TMEM40: variants seen among roughly 807,000 people sequenced by gnomAD.
TMEM40 encodes the protein transmembrane protein 40.
A neutral mutation model predicts 40.8 loss-of-function variants in TMEM40; 34 were observed. The observed-to-expected ratio is 0.83, with a 90% CI of 0.63 to 1.11. The LOEUF (loss-of-function observed/expected upper bound fraction) is 1.11. Ranked by LOEUF, TMEM40 falls within the 50% of genes least tolerant of loss-of-function variation. The pLI, the probability that TMEM40 is intolerant of heterozygous loss-of-function variation, is 0.00. For synonymous variants in TMEM40, 106 were observed against 107.0 expected, an observed-to-expected ratio of 0.99 and a Z score of 0.06; for missense variants, 296 against 280.2, an observed-to-expected ratio of 1.06 and a Z score of -0.40.
chr3:12,755,231 CTCTCTTTCTTTCTTTCTT>C (rs1211281698), intron 1 of TMEM40, among the ~76,000 whole-genome samples: 20 of 98,106 alleles, frequency 2.0e-4, no homozygotes, highest in Admixed American at 9.7e-4. Flanking sequence ...CTCTCTCTCT[CTCTCTTTCTTTCTTTCTT>C]TCTTTCTTTC....
At chr3:12,762,297 C>T (rs2106624156), upstream of TMEM40, among the ~76,000 whole-genome samples, 1 of 152,264 alleles carries the variant, frequency 6.6e-6, no homozygotes, top group South Asian at 2.1e-4. Context: ...ATTAGTGTCA[C>T]CTGCTTCGTT....
intron 1 of TMEM40, among the ~76,000 whole-genome samples, chr3:12,768,353 G>C (rs2061604191): frequency 6.8e-6 from 1 of 147,608 alleles, no homozygotes; most frequent in African/African-American, 2.5e-5. Context: ...ACTGCTGGCT[G>C]GGGCAGCCTG....
In TMEM40 at chr3:12,734,576, C is replaced by T; in HGVS notation, c.*198G>A. On this transcript the variant is annotated 3_prime_UTR_variant, in exon 12 of 12. Transcript: ENST00000314124. ...CTTCCATCCTTGCAGCTGGGTTGCACAGCAGTACTGCCCAAATGAGATGCC... is the reference window on the plus strand; with the variant it reads ...CTTCCATCCTTGCAGCTGGGTTGCATAGCAGTACTGCCCAAATGAGATGCC... 1 of 620,384 alleles carries T rather than the reference C, an allele frequency of 1.6e-6. No individual in the cohort carries two copies. Among genetic ancestry groups the T allele is most frequent in the Admixed American group, 2.7e-5 (1 of 37,524 alleles). The allele number at this position is 620,384 out of a possible 1,614,324, so 38.4% of individuals were successfully genotyped here.
rs750923420 is a variant in TMEM40 at position 12,738,615 on chromosome 3, T to C, written c.356-27A>G. On this transcript the variant is annotated intron_variant, in intron 5 of 11. Coordinates refer to ENST00000314124, the MANE Select transcript of TMEM40 (RefSeq NM_018306.4). ...TGCACAGAAAGGAAATCAGTGATCA[T>C]ATACCCATGATCCTCTGGGGGGGGA... The C allele has an allele frequency of 2.4e-5, 38 of 1,611,410 alleles. No individual in the cohort carries two copies. In the East Asian group the frequency reaches 7.8e-4, roughly 33 times the overall value.
intron 1 of TMEM40, among the ~76,000 whole-genome samples, chr3:12,753,699 C>G (rs1453986033): frequency 6.6e-6 from 1 of 152,198 alleles, no homozygotes; most frequent in Non-Finnish European, 1.5e-5. Flanking sequence ...AGGTGGCCCC[C>G]ACATCCAAGG....
rs748669626 is a variant in TMEM40 at position 12,744,019 on chromosome 3, A to G, written c.212-30T>C. 2.7e-5 allele frequency: 43 copies of G among 1,604,618 alleles called. No individual in the cohort carries two copies. The South Asian group carries it at 4.8e-4, about 18-fold the overall frequency. Reference sequence around the variant, plus strand: ...GGGTAACAAACACAAGCTGTAGGAGAAGCTCAGCCTGGAACAAGCTGGGAA... The same window carrying G: ...GGGTAACAAACACAAGCTGTAGGAGGAGCTCAGCCTGGAACAAGCTGGGAA... On this transcript the variant is annotated intron_variant, in intron 3 of 11. Transcript: ENST00000314124.
intron 4 of TMEM40, 111 bp from the exon 5 acceptor site, chr3:12,742,618 G>T: frequency 7.8e-7 from 1 of 1,288,922 alleles, no homozygotes; most frequent in Non-Finnish European, 1.1e-6. Flanking sequence ...TGTGCTGGAG[G>T]TGAGGTGGGG....
chr3:12,735,434 A>G, intron 11 of TMEM40, 121 bp downstream of exon 11: 7 of 944,920 alleles, frequency 7.4e-6, no homozygotes, highest in Middle Eastern at 2.1e-4. Flanking sequence ...TGGCAGAGGT[A>G]GGACTCAAAC....
At chr3:12,746,245 G>A (rs182635863) in intron 3 of TMEM40, among the ~76,000 whole-genome samples, 340 of 150,164 alleles carry the variant, frequency 2.3e-3, no homozygotes, top group Middle Eastern at 6.8e-3. Flanking sequence ...GCGGCAGAAA[G>A]ATTCACTGTT....
At chr3:12,740,546 C>CA (rs780832284) in intron 5 of TMEM40, among the ~76,000 whole-genome samples, 7,554 of 47,370 alleles carry the variant, frequency 0.16, 709 homozygotes, top group African/African-American at 0.37. Flanking sequence ...CTAAAAATAC[C>CA]AAAAAAAAAA....
intron 1 of TMEM40, among the ~76,000 whole-genome samples, chr3:12,755,377 G>A (rs1175436250): frequency 6.6e-6 from 1 of 151,566 alleles, no homozygotes; most frequent in African/African-American, 2.4e-5. Context: ...TTGACCTTGA[G>A]CAATTCTCCT....
intron 1 of TMEM40, among the ~76,000 whole-genome samples, chr3:12,766,571 G>T (rs1294887498): frequency 5.3e-5 from 8 of 150,782 alleles, no homozygotes; most frequent in Non-Finnish European, 1.0e-4. Flanking sequence ...CTCCAGCCTG[G>T]GCGACACAGC....
At chr3:12,749,875 C>T (rs369950162) in intron 1 of TMEM40, 35 bp from the exon 2 acceptor site, 1 of 1,572,202 alleles carries the variant, frequency 6.4e-7, no homozygotes, top group African/African-American at 1.4e-5. Flanking sequence ...GTTAATATCA[C>T]CTTAGTTAAT....
intron 1 of TMEM40, among the ~76,000 whole-genome samples, chr3:12,754,299 A>G (rs566848579): frequency 0.1 from 15,469 of 152,094 alleles, 813 homozygotes; most frequent in Non-Finnish European, 0.12. Flanking sequence ...GCGACAGAGC[A>G]CGATTCCGTC....
chr3:12,735,168 T>C (rs1354218611), intron 11 of TMEM40, among the ~76,000 whole-genome samples: 1 of 152,138 alleles, frequency 6.6e-6, no homozygotes, highest in Non-Finnish European at 1.5e-5. Context: ...AAGTGTAACA[T>C]TGCTAAAGCC....
At chr3:12,745,147 C>G (rs1158709635) in intron 3 of TMEM40, among the ~76,000 whole-genome samples, 1 of 152,156 alleles carries the variant, frequency 6.6e-6, no homozygotes, top group South Asian at 2.1e-4. Flanking sequence ...GCAACCTCCA[C>G]CTCCCAGGCA....
At chr3:12,741,833 G>T (rs371941379) in intron 5 of TMEM40, among the ~76,000 whole-genome samples, 1 of 151,892 alleles carries the variant, frequency 6.6e-6, no homozygotes, top group South Asian at 2.1e-4. Flanking sequence ...AGTGGCTCAC[G>T]CCTGTAATTC....
chr3:12,754,267 G>A (rs550712941), intron 1 of TMEM40, among the ~76,000 whole-genome samples: 11 of 152,210 alleles, frequency 7.2e-5, no homozygotes, highest in African/African-American at 1.7e-4. Context: ...AGCCGAGACC[G>A]CACCACTGCA....
chr3:12,754,362 A>G (rs888792850), intron 1 of TMEM40, among the ~76,000 whole-genome samples: 1 of 152,194 alleles, frequency 6.6e-6, no homozygotes, highest in African/African-American at 2.4e-5. Flanking sequence ...GTACAGAAAG[A>G]GGATGGTTGG....
Sources: allele counts gnomAD v4.1 joint callset (sites outside exome capture counted in the v4.1 genomes callset), GRCh38; gene constraint gnomAD v4.1.1; transcripts MANE v1.5; gene names NCBI Gene and HGNC (gene_info 2026-07-23, HGNC 2026-07-21).